PRKN: variants seen among roughly 807,000 people sequenced by gnomAD.
PRKN encodes E3 ubiquitin-protein ligase parkin.
A neutral mutation model predicts 59.5 loss-of-function variants in PRKN; 56 were observed. The ratio of observed to expected loss-of-function variants is 0.94; its 90% CI spans 0.76 to 1.18. The LOEUF is 1.18. PRKN is among the 50% of genes most tolerant of loss of function. PRKN has a pLI of 0.00. For missense variants in PRKN, 657 were observed against 596.4 expected (o/e 1.10, Z -1.06); for synonymous variants, 250 against 222.1 (o/e 1.13, Z -1.12).
chr6:162,168,360 A>T (rs552530885), intron 4 of PRKN, among the ~76,000 whole-genome samples: 18 of 149,884 alleles, frequency 1.2e-4, no homozygotes, highest in South Asian at 4.2e-4. Context: ...TCCTTTCCAA[A>T]TTTTTTTTTT....
At chr6:162,647,312 T>C (rs1778223329) in intron 1 of PRKN, among the ~76,000 whole-genome samples, 1 of 152,096 alleles carries the variant, frequency 6.6e-6, no homozygotes, top group African/African-American at 2.4e-5. Context: ...TTATGTGCAA[T>C]AAGTAAATCA....
intron 2 of PRKN, among the ~76,000 whole-genome samples, chr6:162,407,571 A>G (rs1354089109): frequency 6.6e-6 from 1 of 152,196 alleles, no homozygotes; most frequent in East Asian, 1.9e-4. Context: ...TTCAATGCTT[A>G]AGACAGTCAA....
In PRKN at chr6:161,423,405, C is replaced by G. The variant is rs1461417529; in HGVS notation, c.1084-36528G>C. 2.0e-5 allele frequency among the ~76,000 whole-genome samples: 3 copies of G among 152,144 alleles called. No homozygotes were observed. Among genetic ancestry groups the G allele is most frequent in the African/African-American group, 4.8e-5 (2 of 41,402 alleles). Reference sequence around the variant, plus strand: ...GGAGGTGAGTACTGCGATGCAGTTACACGTCGTAACCACCTGAATTTTATG... The same window carrying G: ...GGAGGTGAGTACTGCGATGCAGTTAGACGTCGTAACCACCTGAATTTTATG... On this transcript the variant is annotated intron_variant, in intron 9 of 11. Transcript: ENST00000366898. This position sits in a 1 kb window ranked among gnomAD's most constrained non-coding sequence, Gnocchi z 5.9.
chr6:162,176,605 C>G (rs1783549353), intron 4 of PRKN, among the ~76,000 whole-genome samples: 1 of 110,394 alleles, frequency 9.1e-6, no homozygotes, highest in Non-Finnish European at 2.4e-5. Flanking sequence ...ATGTAGTAAA[C>G]TAAAAAAATA....
At chr6:162,569,101 G>T in intron 1 of PRKN, 1 of 663,576 alleles carries the variant, frequency 1.5e-6, no homozygotes, top group East Asian at 2.7e-5. Context: ...CTGAGGTCAA[G>T]GCGTAGTATG....
chr6:161,436,606 G>A (rs1302278581), intron 9 of PRKN, among the ~76,000 whole-genome samples: 1 of 151,924 alleles, frequency 6.6e-6, no homozygotes, highest in East Asian at 1.9e-4. Flanking sequence ...ATTTGGAAGT[G>A]AGGATGGGAG....
At chr6:162,053,597 C>T (rs771350860) in intron 5 of PRKN, among the ~76,000 whole-genome samples, 10 of 152,102 alleles carry the variant, frequency 6.6e-5, no homozygotes, top group East Asian at 5.8e-4. Flanking sequence ...TCAATTACAT[C>T]GCCGGCCACC....
Position 161,566,547 on chromosome 6 carries a change from C to T in PRKN, c.933+2808G>A, listed in dbSNP as rs1780649696. The stretch of plus-strand genomic sequence containing the variant: ...TCAGCCTCCTGAGTAGCTGAGATTA[C>T]AGGCGCCCGCCACCACACCCAGCTA... On this transcript the variant is annotated intron_variant, in intron 8 of 11. Coordinates refer to ENST00000366898, the MANE Select transcript of PRKN (RefSeq NM_004562.3). This position sits in a 1 kb window ranked among gnomAD's most constrained non-coding sequence, Gnocchi z 4.1. Among the ~76,000 whole-genome samples the T allele has an allele frequency of 6.6e-6, 1 of 152,182 alleles. No individual in the cohort carries two copies. The highest frequency in any genetic ancestry group is 1.5e-5 in the Non-Finnish European group (1 of 68,028).
Position 161,354,335 on chromosome 6 carries a change from G to T in PRKN, c.1286-4124C>A, listed in dbSNP as rs1350154508. 6.6e-6 allele frequency among the ~76,000 whole-genome samples: 1 copy of T among 152,194 alleles called. No individual in the cohort carries two copies. The highest frequency in any genetic ancestry group is 1.5e-5 in the Non-Finnish European group (1 of 68,042). On this transcript the variant is annotated intron_variant, in intron 11 of 11. Transcript: ENST00000366898. The surrounding 1 kb of genome is among the most constrained non-coding windows in gnomAD (Gnocchi z 6.7). ...ACATGAAGGGAATATGGCTTCCTTT[G>T]TAGTGAGTTCTGTCTGCAGATGGAC...
intron 6 of PRKN, among the ~76,000 whole-genome samples, chr6:161,830,251 TTTTTTG>T (rs1243905818): frequency 4.1e-5 from 6 of 145,090 alleles, no homozygotes; most frequent in Non-Finnish European, 8.9e-5. Context: ...GTTTTTTTTG[TTTTTTG>T]TTTTTTTTTT....
chr6:162,430,509 C>T (rs9458548), intron 2 of PRKN, among the ~76,000 whole-genome samples: 17,445 of 151,840 alleles, frequency 0.11, 1,382 homozygotes, highest in African/African-American at 0.23. Context: ...ATAATGGGTG[C>T]CCAATAAAAG....
At chr6:162,314,011 AAAC>A (rs1782644132) in intron 2 of PRKN, among the ~76,000 whole-genome samples, 1 of 152,206 alleles carries the variant, frequency 6.6e-6, no homozygotes, top group South Asian at 2.1e-4. Context: ...GAAGTACACA[AAAC>A]AACTCAATGA....
At position 162,654,792 on chromosome 6, in the gene PRKN, C is replaced by T. The variant is rs577481939; in HGVS notation, c.7+72870G>A. 2.6e-5 allele frequency among the ~76,000 whole-genome samples: 4 copies of T among 152,146 alleles called. No individual in the cohort carries two copies. The South Asian group carries it at 8.3e-4, about 32-fold the overall frequency. On this transcript the variant is annotated intron_variant, in intron 1 of 11. Coordinates refer to ENST00000366898, the MANE Select transcript of PRKN (RefSeq NM_004562.3). ...CTTACAATCATGGCGGAAGGGGAAG[C>T]AAACACTTCTTTCTAAACAAGGCGG...
At chr6:162,251,422 C>T (rs562268943) in intron 3 of PRKN, among the ~76,000 whole-genome samples, 156 of 152,162 alleles carry the variant, frequency 1.0e-3, no homozygotes, top group Non-Finnish European at 1.7e-3. Flanking sequence ...TGTAAAAGGC[C>T]CTAAGGAAAT....
At chr6:162,421,027 T>C (rs1313393887) in intron 2 of PRKN, among the ~76,000 whole-genome samples, 1 of 152,142 alleles carries the variant, frequency 6.6e-6, no homozygotes, top group East Asian at 1.9e-4. Flanking sequence ...AACTCACACA[T>C]CCTCCCTGTG....
In PRKN at chr6:162,569,107, G is replaced by A. The variant is rs529071280; in HGVS notation, c.8-125634C>T. ...GCATCATTGCTGAGGTCAAGGCGTA[G>A]TATGAGGAGATCACCCAACCTCAGC... On this transcript the variant is annotated intron_variant, in intron 1 of 11. Coordinates refer to ENST00000366898, the MANE Select transcript of PRKN (RefSeq NM_004562.3). 5.4e-5 allele frequency: 36 copies of A among 662,922 alleles called. No homozygotes were observed. In the East Asian group the frequency reaches 8.6e-4, roughly 16 times the overall value. The allele number at this position is 662,922 out of a possible 1,614,324, so 41.1% of individuals were successfully genotyped here.
intron 7 of PRKN, among the ~76,000 whole-genome samples, chr6:161,616,694 G>C (rs761773845): frequency 6.6e-6 from 1 of 152,066 alleles, no homozygotes; most frequent in Admixed American, 6.5e-5. Context: ...AGTTTGCTGA[G>C]AGTGATGGTT....
At chr6:162,000,968 T>G (rs1330762353) in intron 5 of PRKN, among the ~76,000 whole-genome samples, 1 of 152,054 alleles carries the variant, frequency 6.6e-6, no homozygotes, top group Non-Finnish European at 1.5e-5. Flanking sequence ...ATGGGTCTAC[T>G]TTTAGGCTGT....
rs1176904899 is a variant in PRKN at position 161,362,667 on chromosome 6, C to A, written c.1168-2462G>T. On this transcript the variant is annotated intron_variant, in intron 10 of 11. Coordinates refer to ENST00000366898, the MANE Select transcript of PRKN (RefSeq NM_004562.3). This position sits in a 1 kb window ranked among gnomAD's most constrained non-coding sequence, Gnocchi z 5.2. The stretch of plus-strand genomic sequence containing the variant: ...AAAAGAATTCATCCTATCTGATTAG[C>A]TTTAAAAAACCTCAAGTCAAAAATT... 6.6e-6 allele frequency among the ~76,000 whole-genome samples: 1 copy of A among 152,172 alleles called. No homozygotes were observed. The highest frequency in any genetic ancestry group is 1.5e-5 in the Non-Finnish European group (1 of 68,024).
Sources: gnomAD v4.1 joint callset for allele counts (sites outside exome capture counted in the v4.1 genomes callset) on GRCh38, gnomAD v4.1.1 for gene constraint, Gnocchi (gnomAD v3.1) non-coding constraint, MANE v1.5 for transcripts, NCBI Gene and HGNC (gene_info 2026-07-23, HGNC 2026-07-21) for gene names.